RHOBTB1: variants seen among roughly 807,000 people sequenced by gnomAD.
RHOBTB1 encodes Rho related BTB domain containing 1.
A neutral mutation model predicts 71.6 loss-of-function variants in RHOBTB1; 40 were observed. The ratio of observed to expected loss-of-function variants is 0.56; its 90% CI spans 0.43 to 0.73. The LOEUF (loss-of-function observed/expected upper bound fraction) is 0.73, where lower values mean the gene tolerates loss of function less well. Ranked by LOEUF, RHOBTB1 falls within the 30% of genes least tolerant of loss-of-function variation. The pLI is 0.00. For synonymous variants in RHOBTB1, 319 were observed against 334.9 expected (o/e 0.95, Z 0.52); for missense variants, 797 against 894.0 (o/e 0.89, Z 1.38).
intron 2 of RHOBTB1, among the ~76,000 whole-genome samples, chr10:60,951,431 T>C (rs762014552): frequency 1.3e-5 from 2 of 152,246 alleles, no homozygotes; most frequent in Non-Finnish European, 2.9e-5. Context: ...CTTAGCTCTG[T>C]AAATATTTAT....
chr10:60,888,771 T>A lies in RHOBTB1; in HGVS notation c.897A>T (p.Glu299Asp). Residue 299 changes from glutamate (E) to aspartate (D), a missense_variant, in exon 6 of 11, where the codon GAA (glutamate) becomes GAT (aspartate). This residue lies in a region of RHOBTB1 where 658 missense variants were observed against 681.5 expected (regional missense o/e 0.97). Transcript: ENST00000337910. ...CACTCCCATTTGGGGATTCTTCACA[T>A]TCCATTAAAAACAGATCATAAAATT... ...SSKFYDLFLMECEESPNGSEG... is the reference protein window; with the variant it reads ...SSKFYDLFLMDCEESPNGSEG... The A allele has an allele frequency of 3.1e-6, 5 of 1,614,188 alleles. No homozygotes were observed. The highest frequency in any genetic ancestry group is 4.2e-6 in the Non-Finnish European group (5 of 1,180,034).
intron 2 of RHOBTB1, among the ~76,000 whole-genome samples, chr10:60,962,638 A>G (rs1244776659): frequency 6.6e-6 from 1 of 152,176 alleles, no homozygotes; most frequent in Non-Finnish European, 1.5e-5. Flanking sequence ...TCCTCTAAAG[A>G]AGTTTTCCAT....
intron 2 of RHOBTB1, among the ~76,000 whole-genome samples, chr10:60,926,350 G>A (rs1382473920): frequency 6.6e-6 from 1 of 152,098 alleles, no homozygotes; most frequent in Non-Finnish European, 1.5e-5. Context: ...AAAAAATCAA[G>A]AAGGAAGGAA....
intron 4 of RHOBTB1, among the ~76,000 whole-genome samples, chr10:60,904,216 G>A (rs988187277): frequency 6.6e-6 from 1 of 151,856 alleles, no homozygotes; most frequent in Admixed American, 6.6e-5. Context: ...CAGAGTGCTG[G>A]GATTATAGGC....
intron 2 of RHOBTB1, among the ~76,000 whole-genome samples, chr10:60,937,121 G>A (rs2084635507): frequency 6.6e-6 from 1 of 152,208 alleles, no homozygotes; most frequent in African/African-American, 2.4e-5. Context: ...TTCCGCGTAT[G>A]TGATGAATTG....
chr10:60,907,062 C>T lies in RHOBTB1; in HGVS notation c.296+3825G>A, dbSNP rs572778098. On this transcript the variant is annotated intron_variant, in intron 4 of 10. Transcript: ENST00000337910. The stretch of plus-strand genomic sequence containing the variant: ...AGGGCAGTTCCCCTGCACATGCTCT[C>T]TCTCTTGCCTGCCACCATGTAAGAT... Among the ~76,000 whole-genome samples, 40 of 152,358 alleles carry T rather than the reference C, an allele frequency of 2.6e-4. No individual in the cohort carries two copies. In the South Asian group the frequency reaches 8.1e-3, roughly 31 times the overall value.
intron 2 of RHOBTB1, among the ~76,000 whole-genome samples, chr10:60,962,464 G>A (rs2085815791): frequency 6.6e-6 from 1 of 152,064 alleles, no homozygotes; most frequent in Admixed American, 6.6e-5. Flanking sequence ...AAAGTCGAAA[G>A]TATTTATAAA....
chr10:60,937,215 A>G (rs2084640775), intron 2 of RHOBTB1, among the ~76,000 whole-genome samples: 1 of 152,214 alleles, frequency 6.6e-6, no homozygotes, highest in Non-Finnish European at 1.5e-5. Flanking sequence ...TGGGGAGAGG[A>G]GTGCACAAAA....
chr10:60,907,967 T>A (rs966796481), intron 4 of RHOBTB1, among the ~76,000 whole-genome samples: 1 of 152,210 alleles, frequency 6.6e-6, no homozygotes, highest in African/African-American at 2.4e-5. Context: ...CCTGAAAGGA[T>A]TAACTAATGT....
At chr10:60,990,074 C>T (rs552414488) in intron 1 of RHOBTB1, among the ~76,000 whole-genome samples, 1 of 151,380 alleles carries the variant, frequency 6.6e-6, no homozygotes, top group African/African-American at 2.4e-5. Context: ...GCTCCGCCTC[C>T]TGAGTTCATG....
At position 60,888,518 on chromosome 10, in the gene RHOBTB1, C is replaced by T. The variant is rs763863421; in HGVS notation, c.1150G>A (p.Glu384Lys). 1 of 1,614,172 alleles carries T rather than the reference C, an allele frequency of 6.2e-7. No homozygotes were observed. Residue 384 changes from glutamate (E) to lysine (K), a missense_variant, in exon 6 of 11, where the codon GAA becomes AAA. Physicochemically the swap from Glu to Lys is moderately conservative, Grantham distance 56 (BLOSUM62 1). Coordinates refer to ENST00000337910, the MANE Select transcript of RHOBTB1 (RefSeq NM_014836.5). ...WSKGFIGMHREMQVNPISKRM... is the reference protein window; with the variant it reads ...WSKGFIGMHRKMQVNPISKRM... ...TTTGAAATGGGGTTGACTTGCATTT[C>T]CCTGTGCATGCCAATGAACCCCTTA...
At chr10:60,932,449 C>A (rs940099336) in intron 2 of RHOBTB1, among the ~76,000 whole-genome samples, 1 of 144,510 alleles carries the variant, frequency 6.9e-6, no homozygotes, top group Non-Finnish European at 1.5e-5. Context: ...AAAAAGTCAT[C>A]AAGCTGTACA....
In RHOBTB1 at chr10:60,990,463, A is replaced by G. The variant is rs114078267; in HGVS notation, c.-162-4518T>C. On this transcript the variant is annotated intron_variant, in intron 1 of 11. Coordinates refer to the RHOBTB1 transcript ENST00000357917. ...GGCAGGACGACAGACAGAACCAGTTACAACTGTATTTCCTGTACATATCAC... is the reference window on the plus strand; with the variant it reads ...GGCAGGACGACAGACAGAACCAGTTGCAACTGTATTTCCTGTACATATCAC... Among the ~76,000 whole-genome samples, 912 of 151,964 alleles carry G rather than the reference A, an allele frequency of 6.0e-3. 5 individuals are homozygous for G. The highest frequency in any genetic ancestry group is 0.021 in the African/African-American group (883 of 41,444).
chr10:60,862,206 T>C, the RHOBTB1 span, among the ~76,000 whole-genome samples: 1 of 151,906 alleles, frequency 6.6e-6, no homozygotes, highest in African/African-American at 2.4e-5. Flanking sequence ...TTTCTTTCTT[T>C]CTTTTTATTG....
intron 1 of RHOBTB1, among the ~76,000 whole-genome samples, chr10:60,986,430 T>TATATATATATAA (rs1216930797): frequency 2.9e-5 from 4 of 136,888 alleles, no homozygotes; most frequent in African/African-American, 1.1e-4. Flanking sequence ...TATATATATA[T>TATATATATATAA]AAAATATATA....
intron 2 of RHOBTB1, among the ~76,000 whole-genome samples, chr10:60,984,605 T>C (rs1380409304): frequency 2.0e-5 from 3 of 152,204 alleles, no homozygotes; most frequent in Non-Finnish European, 4.4e-5. Flanking sequence ...GTAAATAGGA[T>C]CCTGGTTCAT....
intron 2 of RHOBTB1, among the ~76,000 whole-genome samples, chr10:60,917,934 T>C (rs2083356021): frequency 6.6e-6 from 1 of 152,186 alleles, no homozygotes; most frequent in Non-Finnish European, 1.5e-5. Context: ...TCTGTATCAA[T>C]AAAGAGTTCT....
At chr10:60,974,524 T>C (rs989461812) in intron 2 of RHOBTB1, among the ~76,000 whole-genome samples, 1 of 152,006 alleles carries the variant, frequency 6.6e-6, no homozygotes, top group African/African-American at 2.4e-5. Context: ...TTAGACAAGG[T>C]TTTTCTACAC....
At chr10:60,894,170 T>C (rs1319099380) in intron 4 of RHOBTB1, among the ~76,000 whole-genome samples, 1 of 152,152 alleles carries the variant, frequency 6.6e-6, no homozygotes, top group African/African-American at 2.4e-5. Flanking sequence ...CAGGCAACCA[T>C]AAAATTTCTA....
Sources: gnomAD v4.1 joint callset for allele counts (sites outside exome capture counted in the v4.1 genomes callset) on GRCh38, gnomAD v4.1.1 for gene constraint, gnomAD v4.1.1 regional missense constraint, MANE v1.5 for transcripts, NCBI Gene and HGNC (gene_info 2026-07-23, HGNC 2026-07-21) for gene names.